Variants in NRP2 observed in about 807,000 individuals in gnomAD.
NRP2 encodes neuropilin-2.
In NRP2, 52 loss-of-function variants were observed where a neutral mutation model predicts 110.4. The observed-to-expected ratio is 0.47, with a 90% CI of 0.38 to 0.59. NRP2 has a LOEUF of 0.59. Ranked by LOEUF, NRP2 falls within the 20% of genes least tolerant of loss-of-function variation. The probability of loss-of-function intolerance (pLI) is 0.00; values close to 1 mark genes in which losing one functional copy is unlikely to be tolerated. For missense variants in NRP2, 1,049 were observed against 1,203.0 expected, an observed-to-expected ratio of 0.87 and a Z score of 1.89; for synonymous variants, 508 against 468.9, an observed-to-expected ratio of 1.08 and a Z score of -1.08.
intron 15 of NRP2, among the ~76,000 whole-genome samples, chr2:205,770,491 T>A: frequency 6.6e-6 from 1 of 152,136 alleles, no homozygotes; most frequent in Non-Finnish European, 1.5e-5. Context: ...CACCCCCTTC[T>A]CTCCTTTCCC....
intron 10 of NRP2, 134 bp downstream of exon 10, chr2:205,746,024 T>G: frequency 1.0e-6 from 1 of 977,486 alleles, no homozygotes; most frequent in Non-Finnish European, 1.6e-6. Context: ...CCTGCCATGT[T>G]CTCCTGCCTC....
At chr2:205,752,116 G>C (rs908878652) in intron 11 of NRP2, among the ~76,000 whole-genome samples, 3 of 152,134 alleles carry the variant, frequency 2.0e-5, no homozygotes, top group African/African-American at 7.2e-5. Flanking sequence ...TCTACCTCCC[G>C]GGGTCGCAGC....
At chr2:205,736,996 T>C (rs1472617719) in intron 7 of NRP2, among the ~76,000 whole-genome samples, 4 of 152,184 alleles carry the variant, frequency 2.6e-5, no homozygotes, top group Admixed American at 2.0e-4. Context: ...TGTAAAACCA[T>C]TGGGTCAGGA....
At chr2:205,685,096 G>A (rs540249849) in intron 1 of NRP2, among the ~76,000 whole-genome samples, 1 of 152,312 alleles carries the variant, frequency 6.6e-6, no homozygotes, top group East Asian at 1.9e-4. Flanking sequence ...GCTGCTTGGA[G>A]TGTGTGTACG....
chr2:205,747,588 C>T lies in NRP2; in HGVS notation c.1786+1698C>T, dbSNP rs185024774. 7.0e-3 allele frequency among the ~76,000 whole-genome samples: 1,064 copies of T among 152,286 alleles called. 12 individuals carry two copies. Among genetic ancestry groups the T allele is most frequent in the African/African-American group, 0.022 (913 of 41,548 alleles). On this transcript the variant is annotated intron_variant, in intron 10 of 16. Coordinates refer to ENST00000357785, the MANE Select transcript of NRP2 (RefSeq NM_003872.3). The stretch of plus-strand genomic sequence containing the variant: ...TTTTAAAAGCTGGTCATGACCTATT[C>T]GACGGATTCCACAACCCAATGATGA...
At chr2:205,690,376 CT>C (rs751914502) in intron 1 of NRP2, among the ~76,000 whole-genome samples, 102 of 152,094 alleles carry the variant, frequency 6.7e-4, no homozygotes, top group Non-Finnish European at 1.2e-3. Context: ...TTAAAGTTGC[CT>C]TTGGAAGTGT....
chr2:205,687,514 T>C (rs1158639417), intron 1 of NRP2, among the ~76,000 whole-genome samples: 1 of 152,136 alleles, frequency 6.6e-6, no homozygotes, highest in Middle Eastern at 3.2e-3. Context: ...TGCAAGACAG[T>C]GGCAAGAGGA....
intron 2 of NRP2, among the ~76,000 whole-genome samples, chr2:205,709,057 T>C (rs546767329): frequency 6.6e-6 from 1 of 152,330 alleles, no homozygotes; most frequent in African/African-American, 2.4e-5. Context: ...ATGCATTAAC[T>C]CACCAGCCTC....
Position 205,722,145 on chromosome 2 carries a change from CCTCTCTCT to C in NRP2, c.434-315_434-308del, listed in dbSNP as rs140982811. Reference sequence around the variant, plus strand: ...CTCTGTTCCTCTTTTCAAGAGAATCCCTCTCTCTCTCTCTCTCTCTCTCTCATACACAC... The same window carrying C: ...CTCTGTTCCTCTTTTCAAGAGAATCCCTCTCTCTCTCTCTCTCATACACAC... On this transcript the variant is annotated intron_variant, in intron 3 of 16. Transcript: ENST00000357785. The C allele has an allele frequency of 2.1e-3, 456 of 221,222 alleles. 2 individuals are homozygous for C. The South Asian group carries it at 0.024, about 12-fold the overall frequency. The allele number at this position is 221,222 out of a possible 1,614,324, so 13.7% of individuals were successfully genotyped here.
intron 3 of NRP2, among the ~76,000 whole-genome samples, chr2:205,721,540 A>G (rs961774626): frequency 6.6e-6 from 1 of 152,162 alleles, no homozygotes; most frequent in Non-Finnish European, 1.5e-5. Flanking sequence ...CCCTTTTAAT[A>G]TGACTCCACC....
At position 205,763,985 on chromosome 2, in the gene NRP2, AG is replaced by A. The variant is rs746696889; in HGVS notation, c.2307+52del. On this transcript the variant is annotated intron_variant, in intron 13 of 16. Coordinates refer to ENST00000357785, the MANE Select transcript of NRP2 (RefSeq NM_003872.3). The surrounding 1 kb of genome is among the most constrained non-coding windows in gnomAD (Gnocchi z 4.0). ...TTGTGATCCGTATTTCAATATTTCA[AG>A]GGCCGAGCCCATTCATCGTTAGGGA... The A allele has an allele frequency of 3.1e-6, 5 of 1,609,554 alleles. No individual in the cohort carries two copies. In the South Asian group the frequency reaches 5.5e-5, roughly 18 times the overall value.
chr2:205,768,750 G>A (rs2057969255), intron 15 of NRP2, among the ~76,000 whole-genome samples: 1 of 152,220 alleles, frequency 6.6e-6, no homozygotes, highest in South Asian at 2.1e-4. Context: ...AGCAAAGGCA[G>A]TGCACAAGTT....
intron 15 of NRP2, among the ~76,000 whole-genome samples, chr2:205,783,093 C>T (rs2058195525): frequency 6.6e-6 from 1 of 152,138 alleles, no homozygotes; most frequent in Admixed American, 6.5e-5. Context: ...CTGCCCAACC[C>T]ATGTGATCTC....
Position 205,723,938 on chromosome 2 carries a change from A to T in NRP2, c.818A>T (p.Glu273Val). 1 of 1,613,918 alleles carries T rather than the reference A, an allele frequency of 6.2e-7. No homozygotes were observed. Among genetic ancestry groups the T allele is most frequent in the Non-Finnish European group, 8.5e-7 (1 of 1,179,936 alleles). ...TACCTGGTCCACCAAGAGCCACTAG[A>T]GAGTGAGTTGGCCGATTGGGAACCT... ...RYYLVHQEPLENFQCNVPLGM... is the reference protein window; with the variant it reads ...RYYLVHQEPLVNFQCNVPLGM... The change falls in exon 5 of 17, where the codon GAG becomes GTG. Residue 273 changes from glutamate (E) to valine (V), a missense_variant and splice_region_variant. By Grantham distance (121) the Glu-to-Val change is moderately radical. Coordinates refer to ENST00000357785, the MANE Select transcript of NRP2 (RefSeq NM_003872.3).
intron 15 of NRP2, among the ~76,000 whole-genome samples, chr2:205,775,473 G>A (rs780314691): frequency 3.0e-4 from 45 of 151,978 alleles, no homozygotes; most frequent in Non-Finnish European, 5.7e-4. Flanking sequence ...ACTCACTCTC[G>A]CTCTCACATA....
rs186875950 is a variant in NRP2 at position 205,718,452 on chromosome 2, A to C, written c.433+2078A>C. Among the ~76,000 whole-genome samples the C allele has an allele frequency of 6.6e-4, 100 of 152,338 alleles. 2 individuals are homozygous for C. In the East Asian group the frequency reaches 7.9e-3, roughly 12 times the overall value. On this transcript the variant is annotated intron_variant, in intron 3 of 16. Coordinates refer to ENST00000357785, the MANE Select transcript of NRP2 (RefSeq NM_003872.3). ...CCAGCCAACGGAGCTAGGTGGCTTC[A>C]GCTTGGAGAAATGGGGTGGCCTGCT... is the stretch of plus-strand genomic sequence containing the variant.
chr2:205,752,057 A>G (rs993990439), intron 11 of NRP2, among the ~76,000 whole-genome samples: 8 of 152,332 alleles, frequency 5.3e-5, no homozygotes, highest in African/African-American at 1.9e-4. Flanking sequence ...CAAAGCAGAC[A>G]GGACACCACT....
intron 16 of NRP2, 153 bp from the exon 17 acceptor site, chr2:205,794,601 C>A (rs1000070137): frequency 3.9e-6 from 3 of 776,562 alleles, no homozygotes; most frequent in South Asian, 3.0e-5. Flanking sequence ...AGCTAGGATG[C>A]GGCCAGGCTG....
chr2:205,747,372 G>A (rs1249388140), intron 10 of NRP2, among the ~76,000 whole-genome samples: 1 of 152,172 alleles, frequency 6.6e-6, no homozygotes, highest in Non-Finnish European at 1.5e-5. Context: ...GAAAAATGGA[G>A]AGGACAATAG....
Sources: allele counts gnomAD v4.1 joint callset (sites outside exome capture counted in the v4.1 genomes callset), GRCh38; gene constraint gnomAD v4.1.1; non-coding constraint Gnocchi (gnomAD v3.1); transcripts MANE v1.5; gene names NCBI Gene and HGNC (gene_info 2026-07-23, HGNC 2026-07-21).